Variants in SWAP70 observed in about 807,000 individuals in gnomAD.
SWAP70 encodes switch-associated protein 70.
SWAP70 carries 34 observed loss-of-function variants against 80.2 expected under a neutral mutation model. The ratio of observed to expected loss-of-function variants is 0.42; its 90% CI spans 0.32 to 0.56. The LOEUF is 0.56. Among genes scored for constraint, SWAP70 ranks in the 20% least tolerant of loss-of-function variants. The pLI is 0.09. For missense variants in SWAP70, 578 were observed against 690.7 expected, an observed-to-expected ratio of 0.84 and a Z score of 1.83; for synonymous variants, 239 against 238.5, an observed-to-expected ratio of 1.00 and a Z score of -0.02.
At chr11:9,737,255 C>A (rs1851374591) in intron 7 of SWAP70, among the ~76,000 whole-genome samples, 1 of 152,122 alleles carries the variant, frequency 6.6e-6, no homozygotes, top group African/African-American at 2.4e-5. Flanking sequence ...GGAGGGGAAC[C>A]CTTGTTTGGG....
At chr11:9,734,339 G>A (rs924741381) in intron 7 of SWAP70, among the ~76,000 whole-genome samples, 1 of 152,184 alleles carries the variant, frequency 6.6e-6, no homozygotes, top group African/African-American at 2.4e-5. Flanking sequence ...GTACATTTGA[G>A]ATTCATACAT....
At chr11:9,672,530 ATTTTTTTT>A (rs58704706) in intron 1 of SWAP70, among the ~76,000 whole-genome samples, 1 of 88,380 alleles carries the variant, frequency 1.1e-5, no homozygotes, top group Non-Finnish European at 2.1e-5. Context: ...CACCTGGCTA[ATTTTTTTT>A]TTTTTTTTTT....
intron 6 of SWAP70, among the ~76,000 whole-genome samples, chr11:9,730,963 G>A (rs1025098646): frequency 3.9e-5 from 6 of 152,140 alleles, no homozygotes; most frequent in African/African-American, 1.4e-4. Flanking sequence ...CCTAGTGTCT[G>A]CTGTTGCCAC....
Position 9,694,156 on chromosome 11 carries a change from A to G in SWAP70, c.110A>G (p.His37Arg). 6.2e-7 allele frequency: 1 copy of G among 1,602,328 alleles called. No individual in the cohort carries two copies. Among genetic ancestry groups the G allele is most frequent in the Non-Finnish European group, 8.5e-7 (1 of 1,175,368 alleles). The change falls in exon 2 of 12, where the codon CAT (histidine) becomes CGT (arginine). Residue 37 changes from histidine to arginine, a missense_variant. Coordinates refer to ENST00000318950, the MANE Select transcript of SWAP70 (RefSeq NM_015055.4). ...VSKSQLKVLS[H>R]NLCTVLKVPH... Reference sequence around the variant, plus strand: ...TCTTTTCCCTTGCAGGTCCTTTCCCATAACCTGTGCACGGTGCTGAAGGTT... The same window carrying G: ...TCTTTTCCCTTGCAGGTCCTTTCCCGTAACCTGTGCACGGTGCTGAAGGTT...
At chr11:9,699,279 A>C (rs955300164) in intron 2 of SWAP70, among the ~76,000 whole-genome samples, 1 of 152,138 alleles carries the variant, frequency 6.6e-6, no homozygotes, top group Non-Finnish European at 1.5e-5. Context: ...ACTGAATTGT[A>C]TACTTTAAAA....
intron 2 of SWAP70, among the ~76,000 whole-genome samples, chr11:9,703,957 C>T (rs558481750): frequency 1.3e-5 from 2 of 152,156 alleles, no homozygotes; most frequent in African/African-American, 4.8e-5. Flanking sequence ...ATTTTACTTT[C>T]TCCTTCTTGG....
intron 3 of SWAP70, among the ~76,000 whole-genome samples, chr11:9,718,852 A>G (rs1455040992): frequency 6.6e-6 from 1 of 152,092 alleles, no homozygotes; most frequent in African/African-American, 2.4e-5. Flanking sequence ...CATGCCTGCA[A>G]TCTTTGGGAG....
chr11:9,664,381 G>GCGGGT, intron 1 of SWAP70, 103 bp downstream of exon 1: 1 of 1,359,024 alleles, frequency 7.4e-7, no homozygotes, highest in South Asian at 1.4e-5. Context: ...GCAGGGCGGG[G>GCGGGT]CGGGTCGGAA....
intron 1 of SWAP70, among the ~76,000 whole-genome samples, chr11:9,671,590 ATATAAATATATT>A (rs1428098557): frequency 5.9e-5 from 2 of 34,000 alleles, no homozygotes; most frequent in African/African-American, 1.7e-4. Context: ...ATATTTCTAT[ATATAAATATATT>A]TATATAGAAA....
rs375788131 is a variant in SWAP70, at chr11:9,748,053, C to T, written c.1551C>T (p.Tyr517=). The change falls in exon 10 of 12, where the codon TAC becomes TAT. Residue 517 remains tyrosine (Y), a synonymous_variant. Transcript: ENST00000318950. ...ELERKQALEQ[Y]EEVKKKLEMA... is the part of the protein sequence containing the mutation. ...AACGGAAGCAAGCACTTGAGCAGTACGAGGTAATGAGACTTGGCCCTGCAA... is the reference window on the plus strand; with the variant it reads ...AACGGAAGCAAGCACTTGAGCAGTATGAGGTAATGAGACTTGGCCCTGCAA... 9 of 1,613,678 alleles carry T rather than the reference C, an allele frequency of 5.6e-6. No individual in the cohort carries two copies. Among genetic ancestry groups the T allele is most frequent in the East Asian group, 2.2e-5 (1 of 44,896 alleles).
At chr11:9,683,152 C>G (rs1850588886) in intron 1 of SWAP70, among the ~76,000 whole-genome samples, 1 of 152,180 alleles carries the variant, frequency 6.6e-6, no homozygotes, top group Non-Finnish European at 1.5e-5. Flanking sequence ...GTAATTCCAG[C>G]ACTTGTGAGG....
chr11:9,666,724 ATTT>A (rs58246147), intron 1 of SWAP70, among the ~76,000 whole-genome samples: 16 of 106,242 alleles, frequency 1.5e-4, no homozygotes, highest in Non-Finnish European at 1.2e-4. Flanking sequence ...TGACCTCTTA[ATTT>A]TTTTTTTTTT....
Position 9,749,959 on chromosome 11 carries a change from A to G in SWAP70, c.1747A>G (p.Thr583Ala), listed in dbSNP as rs750981393. 3 of 1,612,806 alleles carry G rather than the reference A, an allele frequency of 1.9e-6. No individual in the cohort carries two copies. The South Asian group carries it at 3.3e-5, about 18-fold the overall frequency. ...EREKNWKEKK[T>A]TE is the part of the protein sequence containing the mutation. ...AGAGAAGAACTGGAAAGAGAAAAAG[A>G]CCACGGAGTGACTGAGCTTGCTGGC... The change falls in exon 12 of 12, where the codon ACC becomes GCC. Residue 583 changes from threonine to alanine, a missense_variant. By Grantham distance (58) the Thr-to-Ala change is moderately conservative. Transcript: ENST00000318950.
chr11:9,671,420 A>T (rs1165245065), intron 1 of SWAP70, among the ~76,000 whole-genome samples: 5 of 82,416 alleles, frequency 6.1e-5, no homozygotes. Flanking sequence ...ATATATTTAT[A>T]AATATATATA....
chr11:9,706,886 T>G (rs959371005), intron 2 of SWAP70, among the ~76,000 whole-genome samples: 1 of 152,128 alleles, frequency 6.6e-6, no homozygotes, highest in African/African-American at 2.4e-5. Flanking sequence ...ATAAATACTT[T>G]GCAGCATTTT....
At position 9,664,154 on chromosome 11, in the gene SWAP70, G is replaced by T. The variant is rs3763867; in HGVS notation, c.-26G>T. 5.4e-4 allele frequency: 838 copies of T among 1,549,304 alleles called. 4 individuals are homozygous for T. The African/African-American group carries it at 1.0e-2, about 18-fold the overall frequency. ...CGGAGGGGCTGGCTGGGCAGGAGGG[G>T]TTGGCGGGGCAGCAGGGCCGCGGCC... On this transcript the variant is annotated 5_prime_UTR_variant, in exon 1 of 12. Coordinates refer to ENST00000318950, the MANE Select transcript of SWAP70 (RefSeq NM_015055.4).
chr11:9,738,807 G>A (rs1474481419), intron 8 of SWAP70, among the ~76,000 whole-genome samples: 3 of 151,984 alleles, frequency 2.0e-5, no homozygotes, highest in African/African-American at 7.3e-5. Flanking sequence ...GCTACTGTGA[G>A]CTGTGATTTT....
chr11:9,715,149 A>T (rs1851050213), intron 3 of SWAP70, among the ~76,000 whole-genome samples: 1 of 151,786 alleles, frequency 6.6e-6, no homozygotes, highest in Admixed American at 6.6e-5. Flanking sequence ...TAATTAAAAA[A>T]AATTTTTTTT....
intron 3 of SWAP70, among the ~76,000 whole-genome samples, chr11:9,714,970 C>CTTTTTTTTT (rs34803928): frequency 7.3e-5 from 8 of 110,008 alleles, no homozygotes; most frequent in Admixed American, 3.9e-4. Context: ...CCACACCTGC[C>CTTTTTTTTT]TTTTTTTTTT....
Sources: gnomAD v4.1 joint callset for allele counts (sites outside exome capture counted in the v4.1 genomes callset) on GRCh38, gnomAD v4.1.1 for gene constraint, MANE v1.5 for transcripts, NCBI Gene and HGNC (gene_info 2026-07-23, HGNC 2026-07-21) for gene names.